The following ANK3 variants were observed in gnomAD, a reference collection of about 807,000 sequenced individuals.
The protein encoded by ANK3 is ankyrin 3.
A neutral mutation model predicts 370.9 loss-of-function variants in ANK3; 57 were observed. The ratio of observed to expected loss-of-function variants is 0.15; its 90% confidence interval spans 0.12 to 0.19. The LOEUF (loss-of-function observed/expected upper bound fraction) is 0.19. ANK3 is among the 10% of genes least tolerant of loss of function. The probability of loss-of-function intolerance (pLI) is 1.00; values close to 1 mark genes in which losing one functional copy is unlikely to be tolerated. For synonymous variants in ANK3, 1,929 were observed against 1,946.3 expected (o/e 0.99, Z 0.23); for missense variants, 4,439 against 5,302.1 (o/e 0.84, Z 5.06).
At chr10:60,685,281 A>G (rs2079252776) in intron 1 of ANK3, 1 of 219,654 alleles carries the variant, frequency 4.6e-6, no homozygotes, top group South Asian at 8.6e-5. Flanking sequence ...TCTTCTCCCT[A>G]TCCCACAAAT....
chr10:60,134,417 T>C, intron 24 of ANK3, 44 bp from the exon 25 acceptor site: 1 of 1,476,928 alleles, frequency 6.8e-7, no homozygotes, highest in Non-Finnish European at 9.3e-7. Context: ...TAGATGATGA[T>C]GAGATGAATA....
chr10:60,535,814 A>G (rs993902837), intron 2 of ANK3, among the ~76,000 whole-genome samples: 2 of 151,972 alleles, frequency 1.3e-5, no homozygotes, highest in Non-Finnish European at 2.9e-5. Flanking sequence ...CTAACATTTC[A>G]CTGTGGGGAG....
intron 2 of ANK3, among the ~76,000 whole-genome samples, chr10:60,518,590 A>G (rs1404217152): frequency 6.6e-6 from 1 of 152,168 alleles, no homozygotes; most frequent in Non-Finnish European, 1.5e-5. Flanking sequence ...TTTAGGATAC[A>G]GTGTACTCAG....
chr10:60,541,078 G>C (rs2076836540), intron 2 of ANK3, among the ~76,000 whole-genome samples: 1 of 151,846 alleles, frequency 6.6e-6, no homozygotes. Flanking sequence ...ACATGTATTG[G>C]CATGCAACCA....
chr10:60,277,546 A>G (rs1271896491), intron 4 of ANK3, among the ~76,000 whole-genome samples: 1 of 152,212 alleles, frequency 6.6e-6, no homozygotes, highest in Non-Finnish European at 1.5e-5. Flanking sequence ...CTTTTGGAAG[A>G]AGTATTTGCC....
rs761904426 is a variant in ANK3 at position 60,186,861 on chromosome 10, C to T, written c.1939G>A (p.Ala647Thr). 12 of 1,614,052 alleles carry T rather than the reference C, an allele frequency of 7.4e-6. No individual in the cohort carries two copies. Among genetic ancestry groups the T allele is most frequent in the East Asian group, 2.2e-5 (1 of 44,888 alleles). Residue 647 changes from alanine (A) to threonine (T), a missense_variant, in exon 17 of 44, where the codon GCG becomes ACG. Physicochemically the swap from Ala to Thr is moderately conservative, Grantham distance 58. This residue lies in a region of ANK3 where 192 missense variants were observed against 192.1 expected (regional missense o/e 1.00). Transcript: ENST00000280772. The stretch of plus-strand genomic sequence containing the variant: ...GCACCATATTCCAGCAGAGTTGTCG[C>T]TATGTCCATCTGGTTCTTTTTGGCA... ...IAAKKNQMDI[A>T]TTLLEYGADA...
chr10:60,230,867 C>T lies in ANK3; in HGVS notation c.897+3821G>A, dbSNP rs1005436647. Among the ~76,000 whole-genome samples, 19 of 145,062 alleles carry T rather than the reference C, an allele frequency of 1.3e-4. No individual in the cohort carries two copies. The East Asian group carries it at 2.7e-3, about 20-fold the overall frequency. On this transcript the variant is annotated intron_variant, in intron 8 of 43. Transcript: ENST00000280772. ...TTGCGCCACTGCACTCCAGACTGGG[C>T]GACTGACAGAGCGAGACTCCATCTT...
At chr10:60,463,199 C>T (rs2064931199) in intron 2 of ANK3, among the ~76,000 whole-genome samples, 1 of 152,130 alleles carries the variant, frequency 6.6e-6, no homozygotes, top group South Asian at 2.1e-4. Flanking sequence ...TCACCACACC[C>T]AGCCTCCCTA....
chr10:60,168,462 T>C (rs2095684200), intron 21 of ANK3, among the ~76,000 whole-genome samples: 1 of 152,236 alleles, frequency 6.6e-6, no homozygotes, highest in Non-Finnish European at 1.5e-5. Flanking sequence ...CAGGATCCCA[T>C]CGAGGATACT....
At chr10:60,622,250 G>C (rs1358539755) in intron 1 of ANK3, among the ~76,000 whole-genome samples, 3 of 134,966 alleles carry the variant, frequency 2.2e-5, no homozygotes, top group Non-Finnish European at 3.3e-5. Context: ...TAGGCCTGAG[G>C]CTTTTTTTTT....
At chr10:60,066,268 G>A (rs186036002) in intron 38 of ANK3, among the ~76,000 whole-genome samples, 20 of 152,090 alleles carry the variant, frequency 1.3e-4, no homozygotes, top group African/African-American at 3.4e-4. Flanking sequence ...ATGGCTTTTC[G>A]TCTGGCTATT....
At chr10:60,282,816 C>T (rs1480604374) in intron 1 of ANK3, among the ~76,000 whole-genome samples, 2 of 152,132 alleles carry the variant, frequency 1.3e-5, no homozygotes, top group Admixed American at 1.3e-4. Context: ...ACCATAACAA[C>T]CACCCACTTC....
At chr10:60,479,385 T>C (rs746055796) in intron 2 of ANK3, among the ~76,000 whole-genome samples, 1 of 152,128 alleles carries the variant, frequency 6.6e-6, no homozygotes, top group Non-Finnish European at 1.5e-5. Context: ...CAATAGACTA[T>C]ACTATATAGC....
intron 30 of ANK3, chr10:60,086,435 A>G: frequency 2.5e-6 from 1 of 399,122 alleles, no homozygotes; most frequent in Non-Finnish European, 4.4e-6. Context: ...TAATAGCAGG[A>G]AAGATGCTAT....
intron 2 of ANK3, among the ~76,000 whole-genome samples, chr10:60,606,405 G>C (rs1463496706): frequency 2.6e-5 from 4 of 151,902 alleles, no homozygotes; most frequent in Non-Finnish European, 2.9e-5. Flanking sequence ...TTTCTGTAGA[G>C]AGAAAAGTCT....
At position 60,069,092 on chromosome 10, in the gene ANK3, C is replaced by G. The variant is rs1375297907; in HGVS notation, c.11789G>C (p.Cys3930Ser). 1.2e-6 allele frequency: 2 copies of G among 1,614,104 alleles called. No homozygotes were observed. Among genetic ancestry groups the G allele is most frequent in the South Asian group, 2.2e-5 (2 of 91,076 alleles). ...TGGCTGCCCTTGCTTTTGTGTGGCA[C>G]ATGCTTTTCTAACTGCAATTATGTT... ...RDNIIAVRKACATQKQGQPEK... is the reference protein window; with the variant it reads ...RDNIIAVRKASATQKQGQPEK... The change falls in exon 37 of 44, where the codon TGT becomes TCT. Residue 3930 changes from cysteine (C) to serine (S), a missense_variant. This residue lies in a region of ANK3 where 496 missense variants were observed against 529.3 expected (regional missense o/e 0.94). Transcript: ENST00000280772.
intron 2 of ANK3, among the ~76,000 whole-genome samples, chr10:60,503,091 TAAAC>T (rs549568281): frequency 4.5e-4 from 69 of 152,314 alleles, no homozygotes; most frequent in African/African-American, 1.5e-3. Flanking sequence ...CTCTCATACA[TAAAC>T]AATCAGCAAG....
chr10:60,174,569 A>G (rs1444118642), intron 18 of ANK3, among the ~76,000 whole-genome samples: 2 of 152,214 alleles, frequency 1.3e-5, no homozygotes, highest in African/African-American at 4.8e-5. Context: ...TTCCAAGTTC[A>G]AAGAACTTCC....
intron 2 of ANK3, among the ~76,000 whole-genome samples, chr10:60,591,154 AAC>A (rs2077904697): frequency 6.6e-6 from 1 of 152,138 alleles, no homozygotes; most frequent in Non-Finnish European, 1.5e-5. Flanking sequence ...GTAAAGTCCT[AAC>A]TGGACATTTT....
Sources: gnomAD v4.1 joint callset for allele counts (sites outside exome capture counted in the v4.1 genomes callset) on GRCh38, gnomAD v4.1.1 for gene constraint, gnomAD v4.1.1 regional missense constraint, MANE v1.5 for transcripts, NCBI Gene and HGNC (gene_info 2026-07-23, HGNC 2026-07-21) for gene names.